The following TECRL variants were observed in gnomAD, a reference collection of about 807,000 sequenced individuals.
The protein encoded by TECRL is trans-2,3-enoyl-CoA reductase-like.
TECRL carries 63 observed loss-of-function variants against 52.8 expected under a neutral mutation model. That is an observed-to-expected ratio of 1.19 (90% CI 0.97 to 1.47). TECRL has a LOEUF of 1.47. TECRL is among the 40% of genes most tolerant of loss of function. The pLI is 0.00. For synonymous variants in TECRL, 164 were observed against 141.9 expected (o/e 1.16, Z -1.10); for missense variants, 482 against 429.6 (o/e 1.12, Z -1.08).
At chr4:64,328,135 A>G (rs1271601397) in intron 3 of TECRL, among the ~76,000 whole-genome samples, 1 of 152,060 alleles carries the variant, frequency 6.6e-6, no homozygotes, top group African/African-American at 2.4e-5. Flanking sequence ...TCCTTATGTC[A>G]CTTATTCTGC....
At chr4:64,321,260 TTG>T (rs763610896) in intron 4 of TECRL, among the ~76,000 whole-genome samples, 4 of 151,934 alleles carry the variant, frequency 2.6e-5, no homozygotes, top group Non-Finnish European at 5.9e-5. Context: ...AAAATTAAAT[TTG>T]TGTTAGATTA....
intron 2 of TECRL, among the ~76,000 whole-genome samples, chr4:64,368,407 T>C (rs1336705030): frequency 1.3e-5 from 2 of 151,786 alleles, no homozygotes; most frequent in African/African-American, 2.4e-5. Context: ...GCGATTCTCC[T>C]GCCTCAGCCT....
At chr4:64,375,916 C>CT (rs1045670700) in intron 1 of TECRL, among the ~76,000 whole-genome samples, 1 of 151,576 alleles carries the variant, frequency 6.6e-6, no homozygotes, top group African/African-American at 2.4e-5. Flanking sequence ...CATCGCAATA[C>CT]TTTTTTTTCT....
intron 7 of TECRL, among the ~76,000 whole-genome samples, chr4:64,301,874 A>G (rs1724042573): frequency 6.6e-6 from 1 of 151,278 alleles, no homozygotes. Context: ...TTTATTTCCA[A>G]AAAAACAAAG....
chr4:64,365,237 A>T (rs1320413809), intron 2 of TECRL, among the ~76,000 whole-genome samples: 2 of 151,870 alleles, frequency 1.3e-5, no homozygotes, highest in African/African-American at 4.8e-5. Flanking sequence ...CATAAAAGGA[A>T]CATACCTCAA....
At chr4:64,381,352 A>G (rs1483741547) in intron 1 of TECRL, among the ~76,000 whole-genome samples, 1 of 149,652 alleles carries the variant, frequency 6.7e-6, no homozygotes, top group Non-Finnish European at 1.5e-5. Context: ...CTTAACTTCC[A>G]CATTTCCAAT....
chr4:64,302,814 G>T (rs1724099167), intron 7 of TECRL, among the ~76,000 whole-genome samples: 1 of 151,140 alleles, frequency 6.6e-6, no homozygotes, highest in Non-Finnish European at 1.5e-5. Context: ...CCTTAAATAT[G>T]ATTATTTATT....
intron 1 of TECRL, among the ~76,000 whole-genome samples, chr4:64,397,126 T>G (rs1724009706): frequency 3.3e-5 from 5 of 152,158 alleles, no homozygotes; most frequent in Admixed American, 3.3e-4. Flanking sequence ...AAATTTATCT[T>G]GAACTTTTTT....
intron 11 of TECRL, 70 bp from the exon 12 acceptor site, chr4:64,280,269 C>T (rs1683158057): frequency 8.6e-7 from 1 of 1,167,984 alleles, no homozygotes; most frequent in Non-Finnish European, 1.1e-6. Context: ...GAAAAGGATC[C>T]CTAGCATGTT....
chr4:64,310,023 T>C (rs1053228916), intron 5 of TECRL, 92 bp from the exon 6 acceptor site: 21 of 667,056 alleles, frequency 3.1e-5, no homozygotes, highest in Non-Finnish European at 4.6e-5. Context: ...TAGTTTAATA[T>C]GCTAGCTATT....
intron 2 of TECRL, among the ~76,000 whole-genome samples, chr4:64,366,474 A>G (rs1049385565): frequency 1.3e-5 from 2 of 152,158 alleles, no homozygotes; most frequent in Non-Finnish European, 2.9e-5. Flanking sequence ...AAGTGAATGA[A>G]CAACCTACAG....
At chr4:64,364,862 T>TG (rs1423837571) in intron 2 of TECRL, among the ~76,000 whole-genome samples, 1 of 140,196 alleles carries the variant, frequency 7.1e-6, no homozygotes, top group African/African-American at 2.7e-5. Flanking sequence ...CTAAAACTAT[T>TG]TTTTTTTCAT....
At chr4:64,329,470 T>A (rs978451633) in intron 2 of TECRL, among the ~76,000 whole-genome samples, 6 of 151,766 alleles carry the variant, frequency 4.0e-5, no homozygotes, top group African/African-American at 1.2e-4. Flanking sequence ...AGGTAATATA[T>A]TACTAGTTGA....
intron 2 of TECRL, among the ~76,000 whole-genome samples, chr4:64,363,568 C>T (rs900265951): frequency 1.3e-5 from 2 of 152,122 alleles, no homozygotes; most frequent in African/African-American, 2.4e-5. Flanking sequence ...GTATTTGTCC[C>T]GATTGGCTAG....
intron 2 of TECRL, among the ~76,000 whole-genome samples, chr4:64,345,924 A>AAAAAAAAAAAAAAAAAAAAC (rs1560516723): frequency 6.9e-6 from 1 of 145,976 alleles, no homozygotes; most frequent in Non-Finnish European, 1.5e-5. Flanking sequence ...AAAAAAAAAA[A>AAAAAAAAAAAAAAAAAAAAC]AAAAAAACAT....
At chr4:64,318,656 T>TA (rs1717676787) in intron 4 of TECRL, among the ~76,000 whole-genome samples, 1 of 151,834 alleles carries the variant, frequency 6.6e-6, no homozygotes, top group Non-Finnish European at 1.5e-5. Flanking sequence ...ATTCAGAAAT[T>TA]AAAAAAATAA....
intron 4 of TECRL, among the ~76,000 whole-genome samples, chr4:64,317,186 A>G (rs774721426): frequency 1.1e-4 from 16 of 152,014 alleles, no homozygotes; most frequent in East Asian, 5.8e-4. Flanking sequence ...GCTGAGGCAG[A>G]AGAATGGCGT....
At chr4:64,293,564 C>A (rs551697275) in intron 8 of TECRL, among the ~76,000 whole-genome samples, 1 of 152,182 alleles carries the variant, frequency 6.6e-6, no homozygotes, top group Non-Finnish European at 1.5e-5. Flanking sequence ...TGGTCAGTAA[C>A]CCGCTGTCAT....
chr4:64,362,227 T>C (rs1490524276), intron 2 of TECRL, among the ~76,000 whole-genome samples: 11 of 152,024 alleles, frequency 7.2e-5, no homozygotes, highest in Non-Finnish European at 4.4e-5. Flanking sequence ...CTACAACTTA[T>C]TGGAATCCCT....
Sources: gnomAD v4.1 joint callset for allele counts (sites outside exome capture counted in the v4.1 genomes callset) on GRCh38, gnomAD v4.1.1 for gene constraint, MANE v1.5 for transcripts, NCBI Gene and HGNC (gene_info 2026-07-23, HGNC 2026-07-21) for gene names.